Variants in C16orf74 observed in about 807,000 individuals in gnomAD.
C16orf74 encodes calcimembrin.
A neutral mutation model predicts 6.5 loss-of-function variants in C16orf74; 10 were observed. The observed-to-expected ratio is 1.54, with a 90% CI of 0.95 to 2.61. C16orf74 has a LOEUF of 2.61. Among genes scored for constraint, C16orf74 ranks in the 30% most tolerant of loss-of-function variants. The pLI, the probability that C16orf74 is intolerant of heterozygous loss-of-function variation, is 0.00. For synonymous variants in C16orf74, 60 were observed against 42.5 expected, an observed-to-expected ratio of 1.41 and a Z score of -1.60; for missense variants, 141 against 105.9, an observed-to-expected ratio of 1.33 and a Z score of -1.45.
chr16:85,748,940 T>TAC (rs1288074862), intron 1 of C16orf74, among the ~76,000 whole-genome samples: 3 of 127,922 alleles, frequency 2.3e-5, no homozygotes, highest in Admixed American at 8.7e-5. Context: ...TTTTTTTTTT[T>TAC]TTTTTTTATT....
intron 2 of C16orf74, among the ~76,000 whole-genome samples, chr16:85,725,691 T>C (rs1230055508): frequency 6.6e-6 from 1 of 152,048 alleles, no homozygotes; most frequent in South Asian, 2.1e-4. Context: ...GCAACTTCCA[T>C]CTCCTGGGCT....
chr16:85,723,993 CT>C (rs1237577946), intron 2 of C16orf74, among the ~76,000 whole-genome samples: 2 of 146,772 alleles, frequency 1.4e-5, no homozygotes, highest in Admixed American at 1.4e-4. Flanking sequence ...ACTGCCCTAA[CT>C]TCCTTCGATT....
At chr16:85,723,858 C>A (rs1598790919) in intron 2 of C16orf74, among the ~76,000 whole-genome samples, 1 of 152,192 alleles carries the variant, frequency 6.6e-6, no homozygotes, top group African/African-American at 2.4e-5. Context: ...CTGCCCCTGC[C>A]CAGACACACA....
intron 1 of C16orf74, among the ~76,000 whole-genome samples, chr16:85,749,521 ACTC>A (rs1339819523): frequency 6.6e-6 from 1 of 150,574 alleles, no homozygotes; most frequent in East Asian, 2.0e-4. Context: ...GGCCTCAAGC[ACTC>A]CTCCTGCTTT....
chr16:85,725,293 T>C (rs1019911975), intron 2 of C16orf74, among the ~76,000 whole-genome samples: 2 of 151,830 alleles, frequency 1.3e-5, no homozygotes, highest in African/African-American at 4.8e-5. Context: ...AGCCCTGGAA[T>C]TGAGCCTGCA....
chr16:85,721,556 G>T (rs2054082823), intron 2 of C16orf74, among the ~76,000 whole-genome samples: 1 of 152,192 alleles, frequency 6.6e-6, no homozygotes, highest in South Asian at 2.1e-4. Context: ...GCTTCTACTT[G>T]ACAGTATTCC....
intron 1 of C16orf74, among the ~76,000 whole-genome samples, chr16:85,742,845 C>A (rs1357826838): frequency 6.6e-6 from 1 of 152,166 alleles, no homozygotes; most frequent in East Asian, 1.9e-4. Flanking sequence ...CCAGCATGAA[C>A]CTCTTTTCTT....
intron 2 of C16orf74, among the ~76,000 whole-genome samples, chr16:85,732,941 C>T (rs1482024014): frequency 6.6e-6 from 1 of 152,186 alleles, no homozygotes; most frequent in African/African-American, 2.4e-5. Flanking sequence ...CCTGATCTGG[C>T]TGCCTGTGCT....
intron 3 of C16orf74, among the ~76,000 whole-genome samples, chr16:85,708,908 G>C (rs1479505407): frequency 6.6e-6 from 1 of 152,252 alleles, no homozygotes; most frequent in African/African-American, 2.4e-5. Context: ...CCCATGTCAT[G>C]ATGGCTGTCA....
chr16:85,725,805 C>T (rs974417502), intron 2 of C16orf74, among the ~76,000 whole-genome samples: 1 of 152,128 alleles, frequency 6.6e-6, no homozygotes, highest in African/African-American at 2.4e-5. Context: ...GGTTTCACCA[C>T]GTTGCCCAGA....
intron 2 of C16orf74, among the ~76,000 whole-genome samples, chr16:85,730,183 G>C (rs753360051): frequency 5.9e-5 from 9 of 152,148 alleles, no homozygotes; most frequent in Non-Finnish European, 1.2e-4. Flanking sequence ...AGGGAAGAAC[G>C]TCATACCCAC....
At position 85,735,183 on chromosome 16, in the gene C16orf74, G is replaced by A; in HGVS notation, c.28+7C>T. 1 of 1,604,434 alleles carries A rather than the reference G, an allele frequency of 6.2e-7. No individual in the cohort carries two copies. ...AGAGCTGGTGGGGGCAGAGCTTCAG[G>A]CCTTACCTTTCAGGCAGGACATCTT... On this transcript the variant is annotated splice_region_variant and intron_variant, in intron 2 of 3. Transcript: ENST00000284245.
At chr16:85,736,541 C>T (rs1038625908) in intron 1 of C16orf74, among the ~76,000 whole-genome samples, 1 of 152,042 alleles carries the variant, frequency 6.6e-6, no homozygotes, top group Non-Finnish European at 1.5e-5. Context: ...TGGGAGATAC[C>T]ACCAAGACAT....
At chr16:85,714,601 G>A (rs989267569) in intron 2 of C16orf74, among the ~76,000 whole-genome samples, 5 of 151,106 alleles carry the variant, frequency 3.3e-5, no homozygotes, top group African/African-American at 7.3e-5. Context: ...TATATTTTTC[G>A]TAGAGACGGC....
intron 1 of C16orf74, among the ~76,000 whole-genome samples, chr16:85,742,429 G>A (rs1294899736): frequency 1.3e-5 from 2 of 152,068 alleles, no homozygotes; most frequent in Non-Finnish European, 2.9e-5. Context: ...CCACCCTCTC[G>A]CCACATGATC....
intron 1 of C16orf74, among the ~76,000 whole-genome samples, chr16:85,736,404 G>A (rs2054245344): frequency 2.6e-5 from 4 of 152,146 alleles, no homozygotes; most frequent in South Asian, 2.1e-4. Flanking sequence ...AGGGATTCCT[G>A]TGCCTGCTGA....
intron 2 of C16orf74, among the ~76,000 whole-genome samples, chr16:85,722,502 A>C (rs922026815): frequency 1.3e-5 from 2 of 152,214 alleles, no homozygotes; most frequent in African/African-American, 4.8e-5. Flanking sequence ...CAGGAGCGGA[A>C]GCGGCACCAA....
chr16:85,729,832 G>C lies in C16orf74; in HGVS notation c.28+5358C>G, dbSNP rs991470765. On this transcript the variant is annotated intron_variant, in intron 2 of 3. Coordinates refer to ENST00000284245, the MANE Select transcript of C16orf74 (RefSeq NM_206967.3). ...ATCAGAAGCTGGAAGAGGCAGGAAG[G>C]TTCCTCCTTTGGCGCTGAGGAGGGA... 5.3e-5 allele frequency among the ~76,000 whole-genome samples: 8 copies of C among 152,196 alleles called. 1 individual carries two copies. Among genetic ancestry groups the C allele is most frequent in the Admixed American group, 2.0e-4 (3 of 15,286 alleles).
chr16:85,714,114 C>A (rs1352581675), intron 2 of C16orf74, among the ~76,000 whole-genome samples: 1 of 152,124 alleles, frequency 6.6e-6, no homozygotes, highest in East Asian at 1.9e-4. Flanking sequence ...CTCTTTGCAG[C>A]CTTCTTGTTT....
Sources: gnomAD v4.1 joint callset for allele counts (sites outside exome capture counted in the v4.1 genomes callset) on GRCh38, gnomAD v4.1.1 for gene constraint, MANE v1.5 for transcripts, NCBI Gene and HGNC (gene_info 2026-07-23, HGNC 2026-07-21) for gene names.